UBE2V1: variants seen among roughly 807,000 people sequenced by gnomAD.
UBE2V1 encodes the protein ubiquitin conjugating enzyme E2 V1.
In UBE2V1, 15 loss-of-function variants were observed where a neutral mutation model predicts 19.6. The observed-to-expected ratio is 0.77, with a 90% confidence interval of 0.51 to 1.18. The LOEUF is 1.18. Ranked by LOEUF, UBE2V1 falls within the 50% of genes most tolerant of loss-of-function variation. The probability of loss-of-function intolerance (pLI) is 0.00; values close to 1 mark genes in which losing one functional copy is unlikely to be tolerated. For missense variants in UBE2V1, 125 were observed against 184.8 expected, an observed-to-expected ratio of 0.68 and a Z score of 1.88; for synonymous variants, 60 against 60.7, an observed-to-expected ratio of 0.99 and a Z score of 0.05.
intron 2 of UBE2V1, among the ~76,000 whole-genome samples, chr20:50,090,665 G>A (rs1043467956): frequency 2.0e-4 from 30 of 152,160 alleles, no homozygotes; most frequent in African/African-American, 7.2e-4. Context: ...GGTGTAAGGG[G>A]AGATACTGGT....
chr20:50,091,256 A>G (rs1241560854), intron 2 of UBE2V1, among the ~76,000 whole-genome samples: 5 of 152,014 alleles, frequency 3.3e-5, no homozygotes, highest in African/African-American at 1.2e-4. Flanking sequence ...CATGTTGGCC[A>G]GGCTGGTCTC....
chr20:50,111,652 G>A, intron 1 of UBE2V1: 2 of 945,174 alleles, frequency 2.1e-6, no homozygotes, highest in Non-Finnish European at 2.5e-6. Flanking sequence ...AGCAGCTTGT[G>A]GTGGGTCACT....
intron 2 of UBE2V1, among the ~76,000 whole-genome samples, chr20:50,092,696 A>T (rs2079315061): frequency 6.6e-6 from 1 of 152,238 alleles, no homozygotes; most frequent in Non-Finnish European, 1.5e-5. Flanking sequence ...TGCAAGGAGC[A>T]GTTGGCTCAG....
intron 1 of UBE2V1, 110 bp downstream of exon 1, chr20:50,112,997 A>T: frequency 4.4e-6 from 2 of 454,988 alleles, no homozygotes; most frequent in Non-Finnish European, 3.6e-6. Flanking sequence ...AGCCCAGCAG[A>T]CAGAGGCGGC....
intron 1 of UBE2V1, among the ~76,000 whole-genome samples, chr20:50,100,700 T>C (rs943322564): frequency 1.3e-5 from 2 of 152,226 alleles, no homozygotes; most frequent in African/African-American, 4.8e-5. Context: ...CTATTTTGAG[T>C]TGCTCTTTTT....
At chr20:50,113,060 C>G (rs1361021370) in intron 1 of UBE2V1, 47 bp downstream of exon 1, 1 of 902,648 alleles carries the variant, frequency 1.1e-6, no homozygotes, top group Non-Finnish European at 1.5e-6. Context: ...GGCCCCCGGC[C>G]CAAGCCCATG....
At chr20:50,096,583 C>CT (rs777030457) in intron 2 of UBE2V1, 89 bp downstream of exon 2, 29 of 1,605,558 alleles carry the variant, frequency 1.8e-5, no homozygotes, top group Non-Finnish European at 2.2e-5. Flanking sequence ...CATTGGTGAG[C>CT]TTTTTTTCCG....
intron 2 of UBE2V1, among the ~76,000 whole-genome samples, chr20:50,093,241 TAGA>T (rs924391121): frequency 2.0e-5 from 3 of 152,270 alleles, no homozygotes; most frequent in Admixed American, 1.3e-4. Context: ...AGTAAATTCC[TAGA>T]AGAATTCCTG....
At chr20:50,093,930 G>C (rs1251616166) in intron 2 of UBE2V1, among the ~76,000 whole-genome samples, 1 of 138,630 alleles carries the variant, frequency 7.2e-6, no homozygotes, top group Non-Finnish European at 1.5e-5. Flanking sequence ...GGAGGTTGCA[G>C]TGAGCCGAGA....
Position 50,081,985 on chromosome 20 carries a change from C to A in UBE2V1, c.*783G>T. 4.7e-6 allele frequency: 1 copy of A among 213,220 alleles called. No individual in the cohort carries two copies. Among genetic ancestry groups the A allele is most frequent in the South Asian group, 1.7e-4 (1 of 6,008 alleles). 13.2% of individuals were successfully genotyped at this position (213,220 alleles called of 1,614,324 possible). On this transcript the variant is annotated 3_prime_UTR_variant, in exon 4 of 4. Coordinates refer to ENST00000371674, the MANE Select transcript of UBE2V1 (RefSeq NM_001032288.3). ...GGCTCTTTCCAACCTTACCTGATGGCTTCTGGCCAAAGCAAGGAAGTGTCA... is the reference window on the plus strand; with the variant it reads ...GGCTCTTTCCAACCTTACCTGATGGATTCTGGCCAAAGCAAGGAAGTGTCA...
chr20:50,111,832 C>T (rs929829633), intron 1 of UBE2V1, among the ~76,000 whole-genome samples: 2 of 152,168 alleles, frequency 1.3e-5, no homozygotes, highest in East Asian at 3.9e-4. Context: ...CTTAAATATG[C>T]CAATGATTGC....
intron 2 of UBE2V1, among the ~76,000 whole-genome samples, chr20:50,091,773 A>C (rs1421792553): frequency 1.3e-5 from 2 of 152,238 alleles, no homozygotes; most frequent in African/African-American, 2.4e-5. Context: ...AAAAAAATTA[A>C]GTTGTAAAAC....
chr20:50,082,676 A>G lies in UBE2V1; in HGVS notation c.*92T>C. The G allele has an allele frequency of 1.9e-6, 3 of 1,544,428 alleles. No homozygotes were observed. Among genetic ancestry groups the G allele is most frequent in the Non-Finnish European group, 2.6e-6 (3 of 1,155,498 alleles). Reference sequence around the variant, plus strand: ...CCTTTCCGGTACTTTGAGGTCTACAAGACGTATCTAGAAAATTTACTACTG... The same window carrying G: ...CCTTTCCGGTACTTTGAGGTCTACAGGACGTATCTAGAAAATTTACTACTG... On this transcript the variant is annotated 3_prime_UTR_variant, in exon 4 of 4. Transcript: ENST00000371674.
intron 2 of UBE2V1, chr20:50,096,104 A>G (rs149507785): frequency 4.7e-4 from 72 of 152,944 alleles, no homozygotes; most frequent in Non-Finnish European, 8.3e-4. Context: ...AACTCTCACA[A>G]ATCAGGAAGG....
chr20:50,110,266 G>C (rs1555881059), intron 1 of UBE2V1, among the ~76,000 whole-genome samples: 1 of 152,242 alleles, frequency 6.6e-6, no homozygotes, highest in Non-Finnish European at 1.5e-5. Context: ...TGGGGATTCT[G>C]AGGATCTGTG....
intron 1 of UBE2V1, among the ~76,000 whole-genome samples, chr20:50,111,947 C>T (rs1300842697): frequency 2.6e-5 from 4 of 152,188 alleles, no homozygotes; most frequent in African/African-American, 7.2e-5. Context: ...CTGAGAGAAC[C>T]TCCTTGGCCA....
intron 3 of UBE2V1, among the ~76,000 whole-genome samples, 198 bp from the exon 4 acceptor site, chr20:50,083,112 C>T (rs1370995433): frequency 6.6e-6 from 1 of 152,184 alleles, no homozygotes; most frequent in Non-Finnish European, 1.5e-5. Flanking sequence ...CCTTTTGTGC[C>T]CTGAACCATT....
chr20:50,084,079 A>T (rs746880438), intron 3 of UBE2V1, 50 bp downstream of exon 3: 20 of 1,533,480 alleles, frequency 1.3e-5, no homozygotes, highest in Non-Finnish European at 1.7e-5. Context: ...TGTTAAGTAC[A>T]AAGCAACTGT....
intron 2 of UBE2V1, among the ~76,000 whole-genome samples, chr20:50,093,915 G>C (rs1021237032): frequency 4.8e-5 from 7 of 146,670 alleles, no homozygotes; most frequent in African/African-American, 1.8e-4. Flanking sequence ...TTGAATCCGG[G>C]AGGTGGAGGT....
Sources: gnomAD v4.1 joint callset for allele counts (sites outside exome capture counted in the v4.1 genomes callset) on GRCh38, gnomAD v4.1.1 for gene constraint, MANE v1.5 for transcripts, NCBI Gene and HGNC (gene_info 2026-07-23, HGNC 2026-07-21) for gene names.